The following KCNQ5 variants were observed in gnomAD, a reference collection of about 807,000 sequenced individuals.
KCNQ5 encodes potassium voltage-gated channel subfamily Q member 5, also known as potassium voltage-gated channel subfamily KQT member 5.
KCNQ5 carries 30 observed loss-of-function variants against 98.2 expected under a neutral mutation model. That is an observed-to-expected ratio of 0.31 (90% CI 0.23 to 0.41). The LOEUF (loss-of-function observed/expected upper bound fraction) is 0.41. Ranked by LOEUF, KCNQ5 falls within the 10% of genes least tolerant of loss-of-function variation. The probability of loss-of-function intolerance (pLI) is 1.00; values close to 1 mark genes in which losing one functional copy is unlikely to be tolerated. For synonymous variants in KCNQ5, 458 were observed against 449.4 expected, an observed-to-expected ratio of 1.02 and a Z score of -0.24; for missense variants, 835 against 1,182.5, an observed-to-expected ratio of 0.71 and a Z score of 4.31.
At chr6:72,781,740 T>C (rs1483628463) in intron 1 of KCNQ5, among the ~76,000 whole-genome samples, 3 of 152,178 alleles carry the variant, frequency 2.0e-5, no homozygotes, top group Non-Finnish European at 2.9e-5. Flanking sequence ...ATTTCTATGC[T>C]TGAAAAAAAG....
At chr6:72,701,985 T>C (rs538083119) in intron 1 of KCNQ5, among the ~76,000 whole-genome samples, 3 of 152,234 alleles carry the variant, frequency 2.0e-5, no homozygotes, top group Non-Finnish European at 4.4e-5. Context: ...TGAGCCACCA[T>C]GCCCAGCTAA....
At chr6:72,821,932 G>A (rs959969736) in intron 1 of KCNQ5, among the ~76,000 whole-genome samples, 12 of 151,982 alleles carry the variant, frequency 7.9e-5, no homozygotes, top group African/African-American at 2.9e-4. Flanking sequence ...CAAGGAGTTC[G>A]ATCTCTGCAT....
At chr6:72,838,816 A>C (rs374897852) in intron 1 of KCNQ5, among the ~76,000 whole-genome samples, 2 of 150,706 alleles carry the variant, frequency 1.3e-5, no homozygotes, top group South Asian at 2.1e-4. Flanking sequence ...CGGGCGTGGT[A>C]GCGGGCGCCT....
chr6:73,000,549 G>A (rs895521209), intron 1 of KCNQ5, among the ~76,000 whole-genome samples: 12 of 152,038 alleles, frequency 7.9e-5, no homozygotes, highest in Non-Finnish European at 1.8e-4. Flanking sequence ...TCTAAAACTG[G>A]ATTTATCCTC....
intron 1 of KCNQ5, among the ~76,000 whole-genome samples, chr6:72,860,474 C>T (rs1375745528): frequency 6.6e-6 from 1 of 152,090 alleles, no homozygotes; most frequent in African/African-American, 2.4e-5. Context: ...GCTTCAGTTT[C>T]CTCATCTGTA....
intron 1 of KCNQ5, among the ~76,000 whole-genome samples, chr6:72,684,838 CTG>C (rs566613319): frequency 2.0e-5 from 3 of 151,734 alleles, no homozygotes; most frequent in African/African-American, 7.3e-5. Context: ...GCATTTGTGT[CTG>C]TGTGTGTGTA....
At chr6:73,140,719 C>T (rs796169916) in intron 10 of KCNQ5, among the ~76,000 whole-genome samples, 1 of 152,176 alleles carries the variant, frequency 6.6e-6, no homozygotes, top group Admixed American at 6.5e-5. Flanking sequence ...TGGAGTAATT[C>T]TATGCAAAAC....
chr6:72,843,851 G>A (rs1776908496), intron 1 of KCNQ5, among the ~76,000 whole-genome samples: 1 of 152,186 alleles, frequency 6.6e-6, no homozygotes, highest in South Asian at 2.1e-4. Flanking sequence ...GGAATACTAT[G>A]CAGCATAAAA....
chr6:73,166,816 T>C (rs575356449), intron 10 of KCNQ5, among the ~76,000 whole-genome samples: 1 of 152,336 alleles, frequency 6.6e-6, no homozygotes, highest in Admixed American at 6.5e-5. Context: ...AGCTTGTAGA[T>C]GCATTACTCC....
At chr6:73,186,036 G>A (rs1778558064) in intron 11 of KCNQ5, among the ~76,000 whole-genome samples, 1 of 151,940 alleles carries the variant, frequency 6.6e-6, no homozygotes, top group Admixed American at 6.5e-5. Flanking sequence ...ACCAGCCTGG[G>A]CAACATAGGG....
At chr6:73,076,871 GAC>G (rs1041617776) in intron 3 of KCNQ5, among the ~76,000 whole-genome samples, 4 of 152,086 alleles carry the variant, frequency 2.6e-5, no homozygotes, top group Non-Finnish European at 5.9e-5. Flanking sequence ...TTTCAAGCTG[GAC>G]ACATTTACAT....
At chr6:72,939,682 A>T (rs1407318497) in intron 1 of KCNQ5, among the ~76,000 whole-genome samples, 1 of 152,172 alleles carries the variant, frequency 6.6e-6, no homozygotes, top group African/African-American at 2.4e-5. Context: ...CACTCAACAC[A>T]TACTTGTCAG....
chr6:72,703,106 A>G (rs1768904701), intron 1 of KCNQ5, among the ~76,000 whole-genome samples: 1 of 152,166 alleles, frequency 6.6e-6, no homozygotes, highest in East Asian at 1.9e-4. Flanking sequence ...CAACCAGCCT[A>G]TAGCAGACAA....
At chr6:72,721,155 G>C (rs530683585) in intron 1 of KCNQ5, among the ~76,000 whole-genome samples, 63 of 152,188 alleles carry the variant, frequency 4.1e-4, no homozygotes, top group African/African-American at 1.5e-3. Context: ...TCAACATGTA[G>C]GGTTACTGTG....
chr6:73,091,905 G>A (rs1415052849), intron 5 of KCNQ5, among the ~76,000 whole-genome samples: 1 of 152,030 alleles, frequency 6.6e-6, no homozygotes, highest in Non-Finnish European at 1.5e-5. Context: ...CATTGAATTT[G>A]TAGATTGCTT....
intron 1 of KCNQ5, among the ~76,000 whole-genome samples, chr6:72,740,021 C>G (rs1257731061): frequency 6.6e-6 from 1 of 152,134 alleles, no homozygotes; most frequent in Non-Finnish European, 1.5e-5. Flanking sequence ...TGCTCAGGGT[C>G]TCACTTGGTT....
chr6:72,811,097 C>T (rs192840464), intron 1 of KCNQ5, among the ~76,000 whole-genome samples: 5 of 152,310 alleles, frequency 3.3e-5, no homozygotes, highest in Admixed American at 1.3e-4. Context: ...CAGATCTCGC[C>T]TGGTGGCTCC....
At chr6:73,025,623 C>CAAAAAAAAAAAAA (rs58607159) in intron 2 of KCNQ5, among the ~76,000 whole-genome samples, 16 of 53,010 alleles carry the variant, frequency 3.0e-4, no homozygotes, top group Admixed American at 1.6e-3. Context: ...AACTCCATCT[C>CAAAAAAAAAAAAA]AAAAAAAAAA....
intron 1 of KCNQ5, among the ~76,000 whole-genome samples, chr6:72,724,093 T>C (rs1330090587): frequency 6.6e-6 from 1 of 152,190 alleles, no homozygotes; most frequent in Non-Finnish European, 1.5e-5. Flanking sequence ...TATATAGATG[T>C]TTTCTCTGTG....
Sources: allele counts gnomAD v4.1 joint callset (sites outside exome capture counted in the v4.1 genomes callset), GRCh38; gene constraint gnomAD v4.1.1; transcripts MANE v1.5; gene names NCBI Gene and HGNC (gene_info 2026-07-23, HGNC 2026-07-21).